CASK: variants seen among roughly 807,000 people sequenced by gnomAD.
CASK encodes calcium/calmodulin dependent serine protein kinase.
CASK carries 4 observed loss-of-function variants against 82.9 expected under a neutral mutation model. The ratio of observed to expected loss-of-function variants is 0.05; its 90% CI spans 0.02 to 0.11. The LOEUF is 0.11. Among genes scored for constraint, CASK ranks in the 10% least tolerant of loss-of-function variants. The probability of loss-of-function intolerance (pLI) is 1.00; values close to 1 mark genes in which losing one functional copy is unlikely to be tolerated. For synonymous variants in CASK, 259 were observed against 253.5 expected, an observed-to-expected ratio of 1.02 and a Z score of -0.20; for missense variants, 358 against 720.9, an observed-to-expected ratio of 0.50 and a Z score of 5.76.
chrX:41,782,517 G>T (rs999916561), intron 3 of CASK, among the ~76,000 whole-genome samples: 1 of 111,876 alleles, frequency 8.9e-6, no homozygotes, highest in Non-Finnish European at 1.9e-5. Flanking sequence ...TCCTGTTAAA[G>T]CCACTGGAAA....
intron 19 of CASK, 159 bp from the exon 20 acceptor site, chrX:41,555,794 T>C: frequency 2.2e-6 from 1 of 455,886 alleles, no homozygotes; most frequent in Non-Finnish European, 3.9e-6. Context: ...TGTTGAGTTA[T>C]CAAAAAGTCA....
At chrX:41,610,996 C>G (rs1235743141) in intron 11 of CASK, among the ~76,000 whole-genome samples, 1 of 111,823 alleles carries the variant, frequency 8.9e-6, no homozygotes, top group Non-Finnish European at 1.9e-5. Flanking sequence ...ATCAGTGGTT[C>G]TCAACCAGGG....
At chrX:41,705,484 G>A (rs1034282869) in intron 5 of CASK, among the ~76,000 whole-genome samples, 4 of 111,584 alleles carry the variant, frequency 3.6e-5, no homozygotes, top group African/African-American at 9.8e-5. Context: ...GAGCCCAGGA[G>A]TTTGAGGCTA....
chrX:41,548,713 GA>G (rs1327512244), intron 21 of CASK, among the ~76,000 whole-genome samples: 3 of 111,787 alleles, frequency 2.7e-5, no homozygotes, highest in Admixed American at 1.9e-4. Context: ...AGAATCTTTG[GA>G]AACAAACAGA....
intron 2 of CASK, among the ~76,000 whole-genome samples, chrX:41,850,671 T>C (rs1051091286): frequency 2.7e-5 from 3 of 111,495 alleles, no homozygotes; most frequent in Admixed American, 9.5e-5. Flanking sequence ...TCTTCTTATG[T>C]AGCATCTCCT....
chrX:41,797,358 G>A (rs1429636055), intron 2 of CASK, among the ~76,000 whole-genome samples: 2 of 109,446 alleles, frequency 1.8e-5, no homozygotes, highest in East Asian at 2.9e-4. Context: ...CCACTTAGAC[G>A]TTGCCTCAAA....
chrX:41,783,176 C>A (rs1274228871), intron 3 of CASK, among the ~76,000 whole-genome samples: 2 of 111,792 alleles, frequency 1.8e-5, no homozygotes, highest in Non-Finnish European at 3.8e-5. Context: ...ACAAACCCAA[C>A]TTGTTCTTAG....
intron 5 of CASK, chrX:41,730,047 T>C (rs1168350882): frequency 1.7e-5 from 2 of 119,984 alleles, no homozygotes; most frequent in Non-Finnish European, 3.8e-5. Context: ...AAACTTCTTG[T>C]CTATTTCTAC....
intron 3 of CASK, among the ~76,000 whole-genome samples, chrX:41,756,929 G>A (rs765683529): frequency 9.7e-4 from 109 of 111,921 alleles, no homozygotes; most frequent in African/African-American, 3.4e-3. Context: ...CAGGCTTTCA[G>A]TTACTTAATG....
At chrX:41,813,017 A>T (rs2070331148) in intron 2 of CASK, among the ~76,000 whole-genome samples, 1 of 111,754 alleles carries the variant, frequency 8.9e-6, no homozygotes, top group Non-Finnish European at 1.9e-5. Context: ...TAAAATACCT[A>T]GGAATCCAAC....
At chrX:41,862,206 T>G (rs1348678698) in intron 1 of CASK, among the ~76,000 whole-genome samples, 5 of 109,969 alleles carry the variant, frequency 4.5e-5, no homozygotes, top group Non-Finnish European at 9.5e-5. Flanking sequence ...AGTAATAGCC[T>G]GTGCAATGGC....
At chrX:41,576,876 C>G (rs922132299) in intron 15 of CASK, among the ~76,000 whole-genome samples, 4 of 111,213 alleles carry the variant, frequency 3.6e-5, no homozygotes, top group African/African-American at 1.3e-4. Flanking sequence ...GCATGCCCCC[C>G]ATGTGCTGCA....
At chrX:41,887,296 CCACACACACACACACACACACA>C (rs3055225) in intron 1 of CASK, among the ~76,000 whole-genome samples, 2 of 83,508 alleles carry the variant, frequency 2.4e-5, no homozygotes, top group Admixed American at 2.7e-4. Context: ...CTAGTTGAGT[CCACACACACACACACACACACA>C]CACACACACA....
At chrX:41,615,310 T>A (rs1325626315) in intron 11 of CASK, among the ~76,000 whole-genome samples, 1 of 110,509 alleles carries the variant, frequency 9.0e-6, no homozygotes, top group Non-Finnish European at 1.9e-5. Flanking sequence ...TGCCCCCCCC[T>A]CCATCAAAAA....
intron 11 of CASK, among the ~76,000 whole-genome samples, chrX:41,610,532 G>A: frequency 9.0e-6 from 1 of 110,926 alleles, no homozygotes; most frequent in Non-Finnish European, 1.9e-5. Flanking sequence ...TTGAACTTTA[G>A]TTAACAAAAA....
intron 14 of CASK, chrX:41,586,604 T>C (rs908533929): frequency 2.2e-5 from 4 of 178,029 alleles, no homozygotes; most frequent in Non-Finnish European, 4.2e-5. Context: ...TTTAGTTCTT[T>C]GTGGTTTAAG....
At chrX:41,823,693 T>C (rs1237702461) in intron 2 of CASK, among the ~76,000 whole-genome samples, 1 of 111,572 alleles carries the variant, frequency 9.0e-6, no homozygotes, top group Non-Finnish European at 1.9e-5. Flanking sequence ...TCAGCGTCTA[T>C]GACAGCATTC....
At chrX:41,666,986 C>G (rs1208076197) in intron 6 of CASK, among the ~76,000 whole-genome samples, 1 of 110,422 alleles carries the variant, frequency 9.1e-6, no homozygotes, top group African/African-American at 3.3e-5. Context: ...TACCAGGGTA[C>G]CAGTTAGGTA....
intron 5 of CASK, chrX:41,729,749 CAAAAAAAAAAAAAAA>C (rs1162361118): frequency 7.1e-5 from 1 of 14,114 alleles, no homozygotes; most frequent in Non-Finnish European, 1.2e-4. Context: ...GACTCTGTCT[CAAAAAAAAAAAAAAA>C]AAAAAAAAAA....
Sources: gnomAD v4.1 joint callset for allele counts (sites outside exome capture counted in the v4.1 genomes callset) on GRCh38, gnomAD v4.1.1 for gene constraint, MANE v1.5 for transcripts, NCBI Gene and HGNC (gene_info 2026-07-23, HGNC 2026-07-21) for gene names.